Variants in RGSL1 observed in about 807,000 individuals in gnomAD.
RGSL1 encodes the protein regulator of G protein signaling like 1, also known as regulator of G protein signaling protein-like.
In RGSL1, 97 loss-of-function variants were observed where a neutral mutation model predicts 124.7. The observed-to-expected ratio is 0.78, with a 90% CI of 0.66 to 0.92. The LOEUF (loss-of-function observed/expected upper bound fraction) is 0.92, where lower values mean the gene tolerates loss of function less well. Ranked by LOEUF, RGSL1 falls within the 40% of genes least tolerant of loss-of-function variation. The probability of loss-of-function intolerance (pLI) is 0.00; values close to 1 mark genes in which losing one functional copy is unlikely to be tolerated. For synonymous variants in RGSL1, 424 were observed against 438.1 expected, an observed-to-expected ratio of 0.97 and a Z score of 0.40; for missense variants, 1,233 against 1,288.4, an observed-to-expected ratio of 0.96 and a Z score of 0.66.
At chr1:182,489,292 A>T in intron 8 of RGSL1, 90 bp downstream of exon 8, 5 of 1,142,786 alleles carry the variant, frequency 4.4e-6, no homozygotes, top group African/African-American at 1.5e-5. Flanking sequence ...ACTAAGCGTC[A>T]GCACTATGCA....
intron 1 of RGSL1, 109 bp downstream of exon 1, chr1:182,450,287 G>A: frequency 1.6e-6 from 2 of 1,258,876 alleles, no homozygotes; most frequent in Admixed American, 4.0e-5. Context: ...CACCATGGGT[G>A]ACTTTTGTGT....
intron 4 of RGSL1, chr1:182,471,223 G>T: frequency 2.2e-6 from 1 of 456,672 alleles, no homozygotes. Flanking sequence ...TGCAAGGCTG[G>T]GAGAGGGGTC....
intron 9 of RGSL1, among the ~76,000 whole-genome samples, chr1:182,518,588 T>C (rs1443968330): frequency 6.6e-6 from 1 of 152,172 alleles, no homozygotes; most frequent in Non-Finnish European, 1.5e-5. Flanking sequence ...ATTCTTCCCA[T>C]GAAGATGCTT....
intron 4 of RGSL1, among the ~76,000 whole-genome samples, chr1:182,469,319 A>G (rs1050128809): frequency 6.6e-6 from 1 of 152,214 alleles, no homozygotes; most frequent in Non-Finnish European, 1.5e-5. Context: ...CAACAACAAC[A>G]AAGAGCAACA....
At chr1:182,460,613 C>G (rs1437071446) in intron 4 of RGSL1, 5 of 455,262 alleles carry the variant, frequency 1.1e-5, no homozygotes, top group Non-Finnish European at 2.2e-5. Flanking sequence ...CTCTTGCTCT[C>G]TTCCTCATAG....
chr1:182,532,598 A>C, intron 13 of RGSL1, 64 bp from the exon 14 acceptor site: 1 of 1,510,006 alleles, frequency 6.6e-7, no homozygotes. Context: ...TTTGGCACAC[A>C]GTAGACTCTC....
At chr1:182,467,294 G>A (rs1370335890) in intron 4 of RGSL1, among the ~76,000 whole-genome samples, 2 of 152,148 alleles carry the variant, frequency 1.3e-5, no homozygotes, top group African/African-American at 2.4e-5. Context: ...AACCAAAAAA[G>A]AGCCCTCATC....
chr1:182,483,882 G>C (rs1163299886), intron 6 of RGSL1, among the ~76,000 whole-genome samples: 1 of 152,076 alleles, frequency 6.6e-6, no homozygotes, highest in African/African-American at 2.4e-5. Flanking sequence ...CTGAGGGACA[G>C]AGCACAGCTC....
intron 9 of RGSL1, among the ~76,000 whole-genome samples, chr1:182,498,583 A>C (rs1656110326): frequency 6.6e-6 from 1 of 152,136 alleles, no homozygotes; most frequent in Non-Finnish European, 1.5e-5. Flanking sequence ...TTTATTGTTT[A>C]CTCAGAAGTC....
Position 182,489,017 on chromosome 1 carries a change from G to A in RGSL1, c.1532G>A (p.Arg511Lys), listed in dbSNP as rs1558294535. ...NRFISSRQHK[R>K]EFIGKEENIL... ...TTCATCAGCTCCAGACAGCATAAAA[G>A]AGAATTTATAGGCAAAGAAGAGAAC... The change falls in exon 8 of 22, where the codon AGA becomes AAA. Residue 511 changes from arginine (R) to lysine (K), a missense_variant. Transcript: ENST00000294854. The A allele has an allele frequency of 6.4e-7, 1 of 1,551,406 alleles. No homozygotes were observed. The highest frequency in any genetic ancestry group is 8.7e-7 in the Non-Finnish European group (1 of 1,147,006).
intron 10 of RGSL1, among the ~76,000 whole-genome samples, chr1:182,523,208 CTTTTTTTT>C (rs560766193): frequency 6.8e-6 from 1 of 147,148 alleles, no homozygotes; most frequent in Non-Finnish European, 1.5e-5. Context: ...GTTTTTTTTT[CTTTTTTTT>C]TTTTTCTAGA....
intron 9 of RGSL1, among the ~76,000 whole-genome samples, chr1:182,510,732 T>C: frequency 6.7e-6 from 1 of 149,094 alleles, no homozygotes; most frequent in Non-Finnish European, 1.5e-5. Context: ...GTATGTTTTC[T>C]TTTGAGAAAC....
intron 21 of RGSL1, among the ~76,000 whole-genome samples, chr1:182,559,547 A>C (rs1379974775): frequency 2.0e-5 from 3 of 151,358 alleles, no homozygotes; most frequent in Non-Finnish European, 2.9e-5. Flanking sequence ...CACCCAACAC[A>C]CTCTGCTTCA....
chr1:182,513,055 G>A (rs1247698001), intron 9 of RGSL1, among the ~76,000 whole-genome samples: 2 of 152,226 alleles, frequency 1.3e-5, no homozygotes, highest in Admixed American at 6.5e-5. Context: ...AAACAGGAAT[G>A]CCTGTTCCCA....
At chr1:182,527,250 C>T (rs1418523281) in intron 10 of RGSL1, among the ~76,000 whole-genome samples, 2 of 152,142 alleles carry the variant, frequency 1.3e-5, no homozygotes, top group Non-Finnish European at 2.9e-5. Context: ...TCATGCTCCA[C>T]CTCACAGAAA....
At chr1:182,523,771 A>C (rs1428253305) in intron 10 of RGSL1, among the ~76,000 whole-genome samples, 2 of 152,224 alleles carry the variant, frequency 1.3e-5, no homozygotes, top group Admixed American at 1.3e-4. Flanking sequence ...AATGATACAA[A>C]AACTAAGACA....
At chr1:182,492,742 C>A (rs1655622197) in intron 8 of RGSL1, among the ~76,000 whole-genome samples, 1 of 151,824 alleles carries the variant, frequency 6.6e-6, no homozygotes. Context: ...CATTCTCCTG[C>A]CTCAGCCTCC....
chr1:182,500,924 C>T (rs148867785), intron 9 of RGSL1, among the ~76,000 whole-genome samples: 1 of 152,266 alleles, frequency 6.6e-6, no homozygotes, highest in East Asian at 1.9e-4. Flanking sequence ...GATTGTGTCA[C>T]GTGTCACCTC....
intron 9 of RGSL1, among the ~76,000 whole-genome samples, chr1:182,517,604 A>G (rs957044802): frequency 2.6e-5 from 4 of 152,074 alleles, no homozygotes; most frequent in Non-Finnish European, 4.4e-5. Flanking sequence ...GTATTTTAAA[A>G]TAGACTGTCT....
Sources: allele counts gnomAD v4.1 joint callset (sites outside exome capture counted in the v4.1 genomes callset), GRCh38; gene constraint gnomAD v4.1.1; transcripts MANE v1.5; gene names NCBI Gene and HGNC (gene_info 2026-07-23, HGNC 2026-07-21).